The following NELL2 variants were observed in gnomAD, a reference collection of about 807,000 sequenced individuals.
NELL2 encodes neural EGFL like 2.
A neutral mutation model predicts 109.6 loss-of-function variants in NELL2; 41 were observed. The observed-to-expected ratio is 0.37, with a 90% confidence interval of 0.29 to 0.49. The LOEUF (loss-of-function observed/expected upper bound fraction) is 0.49, where lower values mean the gene tolerates loss of function less well. NELL2 is among the 20% of genes least tolerant of loss of function. The pLI is 0.98. For missense variants in NELL2, 900 were observed against 1,008.3 expected (o/e 0.89, Z 1.45); for synonymous variants, 355 against 344.7 (o/e 1.03, Z -0.33).
chr12:44,685,315 C>T (rs921242755), intron 12 of NELL2, among the ~76,000 whole-genome samples: 10 of 151,782 alleles, frequency 6.6e-5, no homozygotes, highest in Admixed American at 2.0e-4. Flanking sequence ...TGTCTCTGCA[C>T]GTGAGATGGG....
chr12:44,762,316 C>T (rs1488408909), intron 9 of NELL2, among the ~76,000 whole-genome samples: 1 of 152,176 alleles, frequency 6.6e-6, no homozygotes, highest in African/African-American at 2.4e-5. Context: ...TGTCCTCTTA[C>T]TTCCTTGATA....
At chr12:44,686,733 C>G (rs1793664900) in intron 12 of NELL2, among the ~76,000 whole-genome samples, 1 of 152,132 alleles carries the variant, frequency 6.6e-6, no homozygotes, top group African/African-American at 2.4e-5. Flanking sequence ...GCTCGGGGGT[C>G]AGGGGTCAGG....
chr12:44,513,231 C>A (rs539350156), intron 19 of NELL2, among the ~76,000 whole-genome samples: 5 of 151,884 alleles, frequency 3.3e-5, no homozygotes, highest in Admixed American at 6.6e-5. Flanking sequence ...ACAGACCCCC[C>A]CTAACTGGTG....
intron 3 of NELL2, among the ~76,000 whole-genome samples, chr12:44,799,024 T>C (rs1360732176): frequency 1.4e-5 from 2 of 141,746 alleles, no homozygotes; most frequent in Non-Finnish European, 3.0e-5. Context: ...AGTGGCAGGA[T>C]CTTGGCTCAC....
At chr12:44,777,413 C>A in intron 5 of NELL2, 99 bp from the exon 6 acceptor site, 1 of 906,468 alleles carries the variant, frequency 1.1e-6, no homozygotes, top group Non-Finnish European at 1.8e-6. Context: ...AGAACACACT[C>A]ACTAAAATCC....
At chr12:44,675,177 T>G (rs1269658677) in intron 12 of NELL2, among the ~76,000 whole-genome samples, 1 of 152,156 alleles carries the variant, frequency 6.6e-6, no homozygotes, top group South Asian at 2.1e-4. Context: ...GGTGAAACAG[T>G]CTTGCATAGT....
At chr12:44,876,869 C>G, upstream of NELL2, 1 of 1,288,160 alleles carries the variant, frequency 7.8e-7, no homozygotes, top group Non-Finnish European at 9.9e-7. Context: ...GGACGGATGG[C>G]GAGCCTGGGA....
At chr12:44,908,407 G>T (rs763383558) in intron 1 of NELL2, among the ~76,000 whole-genome samples, 1 of 151,834 alleles carries the variant, frequency 6.6e-6, no homozygotes, top group Non-Finnish European at 1.5e-5. Context: ...GTGTATTCAA[G>T]AATAAACTGG....
chr12:44,865,669 C>CG (rs1320327394), intron 2 of NELL2, among the ~76,000 whole-genome samples: 3 of 68,824 alleles, frequency 4.4e-5, no homozygotes, highest in African/African-American at 6.0e-5. Context: ...GTGGTGGGGT[C>CG]GGGGGAGGGG....
chr12:44,566,114 G>A (rs1235791365), intron 15 of NELL2, among the ~76,000 whole-genome samples: 1 of 152,108 alleles, frequency 6.6e-6, no homozygotes, highest in East Asian at 1.9e-4. Flanking sequence ...TGAAGAGTGG[G>A]AAAGACTTCC....
chr12:44,850,674 C>T (rs1186153242), intron 2 of NELL2, among the ~76,000 whole-genome samples: 1 of 152,014 alleles, frequency 6.6e-6, no homozygotes, highest in African/African-American at 2.4e-5. Flanking sequence ...GTTTATGAAA[C>T]TAAAGCACCT....
At chr12:44,751,128 G>T (rs1312002691) in intron 9 of NELL2, among the ~76,000 whole-genome samples, 1 of 152,076 alleles carries the variant, frequency 6.6e-6, no homozygotes, top group Non-Finnish European at 1.5e-5. Context: ...GAACCAATCA[G>T]AAAATTGGGG....
At chr12:44,899,533 G>A (rs1945635413) in intron 1 of NELL2, among the ~76,000 whole-genome samples, 1 of 152,080 alleles carries the variant, frequency 6.6e-6, no homozygotes, top group Non-Finnish European at 1.5e-5. Context: ...AGCGAAGGAG[G>A]AATAAAATCC....
intron 1 of NELL2, 34 bp downstream of exon 1, chr12:44,875,781 C>T (rs753239298): frequency 6.2e-7 from 1 of 1,612,694 alleles, no homozygotes; most frequent in Non-Finnish European, 8.5e-7. Flanking sequence ...CGGGAGCCAT[C>T]CCTTTCCCCA....
At chr12:44,556,860 G>T (rs1374710188) in intron 15 of NELL2, among the ~76,000 whole-genome samples, 1 of 152,192 alleles carries the variant, frequency 6.6e-6, no homozygotes. Flanking sequence ...CGACAATGAT[G>T]GAAGAAGAGT....
At chr12:44,780,709 G>C (rs965636869) in intron 3 of NELL2, among the ~76,000 whole-genome samples, 5 of 152,016 alleles carry the variant, frequency 3.3e-5, no homozygotes, top group African/African-American at 9.7e-5. Flanking sequence ...CTACTAAGGA[G>C]TCAGGAGTTT....
Position 44,763,174 on chromosome 12 carries a change from A to G in NELL2, c.994+11573T>C, listed in dbSNP as rs1231059357. On this transcript the variant is annotated intron_variant, in intron 9 of 19. Coordinates refer to ENST00000429094, the MANE Select transcript of NELL2 (RefSeq NM_001145108.2). The stretch of plus-strand genomic sequence containing the variant: ...AAATCAGTGAACAAGTACAATGTGC[A>G]TCTTGTTCTATACCAGCCCACTCCC... Among the ~76,000 whole-genome samples, 4 of 152,332 alleles carry G rather than the reference A, an allele frequency of 2.6e-5. No homozygotes were observed. The East Asian group carries it at 5.8e-4, about 22-fold the overall frequency.
chr12:44,573,040 C>T (rs1336081306), intron 15 of NELL2, among the ~76,000 whole-genome samples: 1 of 152,158 alleles, frequency 6.6e-6, no homozygotes, highest in Non-Finnish European at 1.5e-5. Context: ...AGGTGAACTT[C>T]TACAGGAATG....
chr12:44,815,559 T>G (rs1248513802), intron 3 of NELL2, among the ~76,000 whole-genome samples: 1 of 152,268 alleles, frequency 6.6e-6, no homozygotes, highest in Admixed American at 6.5e-5. Flanking sequence ...AGGCAATTAC[T>G]TTCAATTACC....
Sources: allele counts gnomAD v4.1 joint callset (sites outside exome capture counted in the v4.1 genomes callset), GRCh38; gene constraint gnomAD v4.1.1; transcripts MANE v1.5; gene names NCBI Gene and HGNC (gene_info 2026-07-23, HGNC 2026-07-21).